The following MACROH2A2 variants were observed in gnomAD, a reference collection of about 807,000 sequenced individuals.
MACROH2A2 encodes core histone macro-H2A.2.
Under a neutral mutation model 37.6 loss-of-function variants are expected in MACROH2A2, and 6 were observed. The observed-to-expected ratio is 0.16, with a 90% CI of 0.09 to 0.32. The LOEUF (loss-of-function observed/expected upper bound fraction) is 0.32, where lower values mean the gene tolerates loss of function less well. Among genes scored for constraint, MACROH2A2 ranks in the 10% least tolerant of loss-of-function variants. The pLI, the probability that MACROH2A2 is intolerant of heterozygous loss-of-function variation, is 1.00. For synonymous variants in MACROH2A2, 192 were observed against 202.7 expected (o/e 0.95, Z 0.45); for missense variants, 290 against 485.9 (o/e 0.60, Z 3.79).
Position 70,093,808 on chromosome 10 carries a change from C to G in MACROH2A2, c.551C>G (p.Thr184Ser), listed in dbSNP as rs2072260194. ...TSEDGPGDGF[T>S]ILSSKSLVLG... ...GAAGATGGGCCAGGGGATGGATTCA[C>G]CATTCTGTCTTCTAAGAGCCTTGTT... is the stretch of plus-strand genomic sequence containing the variant. The change falls in exon 5 of 9, where the codon ACC (threonine) becomes AGC (serine). Residue 184 changes from threonine (T) to serine (S), a missense_variant. Coordinates refer to ENST00000373255, the MANE Select transcript of MACROH2A2 (RefSeq NM_018649.3). 1 of 1,608,182 alleles carries G rather than the reference C, an allele frequency of 6.2e-7. No individual in the cohort carries two copies. Among genetic ancestry groups the G allele is most frequent in the African/African-American group, 1.3e-5 (1 of 74,798 alleles).
intron 8 of MACROH2A2, among the ~76,000 whole-genome samples, chr10:70,110,729 TA>T (rs35950966): frequency 0.075 from 11,246 of 149,016 alleles, 525 homozygotes; most frequent in East Asian, 0.23. Flanking sequence ...ACAAAAAATT[TA>T]AAAAAAAAAA....
intron 7 of MACROH2A2, 51 bp from the exon 8 acceptor site, chr10:70,108,982 C>T (rs758141399): frequency 3.3e-5 from 51 of 1,552,434 alleles, no homozygotes; most frequent in Non-Finnish European, 4.1e-5. Context: ...TAGGCTATAA[C>T]CTAGGAAACC....
rs536736862 is a variant in MACROH2A2, at chr10:70,107,368, CCA to C, written c.779-1658_779-1657del. Reference sequence around the variant, plus strand: ...TTCCAGTCAGTCTTTCACCTCAACCCCACACACAGCTCTGGAATACGGCGGAC... The same window carrying C: ...TTCCAGTCAGTCTTTCACCTCAACCCCACACAGCTCTGGAATACGGCGGAC... On this transcript the variant is annotated intron_variant, in intron 7 of 8. Coordinates refer to ENST00000373255, the MANE Select transcript of MACROH2A2 (RefSeq NM_018649.3). The surrounding 1 kb of genome is among the most constrained non-coding windows in gnomAD (Gnocchi z 4.4). Among the ~76,000 whole-genome samples the C allele has an allele frequency of 2.0e-3, 305 of 152,340 alleles. 1 individual carries two copies. The highest frequency in any genetic ancestry group is 7.0e-3 in the African/African-American group (289 of 41,580).
At chr10:70,110,783 G>A (rs532589022) in intron 8 of MACROH2A2, among the ~76,000 whole-genome samples, 1 of 152,178 alleles carries the variant, frequency 6.6e-6, no homozygotes, top group South Asian at 2.1e-4. Context: ...TACTGAGGAG[G>A]CTGAGGCAGA....
At chr10:70,070,768 G>A (rs1271210878) in intron 1 of MACROH2A2, among the ~76,000 whole-genome samples, 4 of 152,182 alleles carry the variant, frequency 2.6e-5, no homozygotes, top group Admixed American at 6.5e-5. Context: ...GATTACAGGC[G>A]TAAGCCACCA....
At chr10:70,092,408 C>A (rs1026853103) in intron 4 of MACROH2A2, among the ~76,000 whole-genome samples, 1 of 152,076 alleles carries the variant, frequency 6.6e-6, no homozygotes, top group Non-Finnish European at 1.5e-5. Context: ...ACTCGAGCCT[C>A]GGTGACAGCG....
Position 70,107,457 on chromosome 10 carries a change from G to A in MACROH2A2, c.779-1576G>A, listed in dbSNP as rs1022357655. 1.5e-4 allele frequency among the ~76,000 whole-genome samples: 23 copies of A among 152,176 alleles called. No individual in the cohort carries two copies. The highest frequency in any genetic ancestry group is 3.1e-4 in the Non-Finnish European group (21 of 68,028). On this transcript the variant is annotated intron_variant, in intron 7 of 8. Coordinates refer to ENST00000373255, the MANE Select transcript of MACROH2A2 (RefSeq NM_018649.3). The surrounding 1 kb of genome is among the most constrained non-coding windows in gnomAD (Gnocchi z 4.4). ...CGGACCCTTGCTACGCCGATTCCTG[G>A]GTTCCTGGAGGGGCACAGGGCGCAG...
At chr10:70,078,133 G>C (rs1284092114) in intron 2 of MACROH2A2, among the ~76,000 whole-genome samples, 1 of 152,238 alleles carries the variant, frequency 6.6e-6, no homozygotes, top group Admixed American at 6.5e-5. Context: ...ATCTCTGTTA[G>C]TCTTTGGTTC....
intron 1 of MACROH2A2, among the ~76,000 whole-genome samples, chr10:70,060,920 G>A (rs1222042043): frequency 6.6e-6 from 1 of 151,290 alleles, no homozygotes; most frequent in Non-Finnish European, 1.5e-5. Context: ...GGATGTCAAG[G>A]CCGCAGTGAG....
chr10:70,090,060 C>T lies in MACROH2A2; in HGVS notation c.173C>T (p.Ala58Val). ...TGTTAATGCCTCCTTGTGATTTCAG[C>T]GGAAATTCTAGAATTGGCCGGCAAT... is the stretch of plus-strand genomic sequence containing the variant. ...YMAAVIEYLA[A>V]EILELAGNAA... The change falls in exon 3 of 9, where the codon GCG becomes GTG. Residue 58 changes from alanine (A) to valine (V), a missense_variant and splice_region_variant. By Grantham distance (64) the Ala-to-Val change is moderately conservative. Coordinates refer to ENST00000373255, the MANE Select transcript of MACROH2A2 (RefSeq NM_018649.3). The T allele has an allele frequency of 1.2e-6, 2 of 1,606,310 alleles. No homozygotes were observed. Among genetic ancestry groups the T allele is most frequent in the Non-Finnish European group, 8.5e-7 (1 of 1,172,910 alleles).
At chr10:70,072,112 CTT>C (rs1427639914) in intron 1 of MACROH2A2, among the ~76,000 whole-genome samples, 4 of 151,984 alleles carry the variant, frequency 2.6e-5, no homozygotes, top group Admixed American at 2.6e-4. Flanking sequence ...CTTTTTGACT[CTT>C]TTGTAATAAC....
intron 1 of MACROH2A2, among the ~76,000 whole-genome samples, chr10:70,060,898 T>G (rs760972113): frequency 2.6e-5 from 4 of 151,596 alleles, no homozygotes; most frequent in African/African-American, 7.3e-5. Context: ...TTGGGAGGAC[T>G]ATTTGAACTT....
chr10:70,076,773 A>G (rs2072142115), intron 2 of MACROH2A2, among the ~76,000 whole-genome samples: 1 of 152,088 alleles, frequency 6.6e-6, no homozygotes, highest in African/African-American at 2.4e-5. Flanking sequence ...GCCTCACTGC[A>G]TGAAATCCTC....
chr10:70,093,936 CT>C, intron 5 of MACROH2A2, 91 bp downstream of exon 5: 2 of 667,994 alleles, frequency 3.0e-6, no homozygotes, highest in East Asian at 2.7e-5. Context: ...CTTTCCTCCC[CT>C]GATAATGATT....
At chr10:70,072,285 G>A (rs2072115520) in intron 1 of MACROH2A2, among the ~76,000 whole-genome samples, 1 of 151,132 alleles carries the variant, frequency 6.6e-6, no homozygotes, top group Admixed American at 6.6e-5. Flanking sequence ...TTAAACTTCT[G>A]TTAAAAAAAA....
intron 1 of MACROH2A2, among the ~76,000 whole-genome samples, chr10:70,071,336 C>T (rs3858168): frequency 0.042 from 6,319 of 152,248 alleles, 159 homozygotes; most frequent in Non-Finnish European, 0.057. Flanking sequence ...GTCACTAATG[C>T]ACCTTTATGA....
chr10:70,053,592 C>G lies in MACROH2A2; in HGVS notation c.-60+592C>G, dbSNP rs985650438. Among the ~76,000 whole-genome samples, 54 of 151,526 alleles carry G rather than the reference C, an allele frequency of 3.6e-4. No individual in the cohort carries two copies. The highest frequency in any genetic ancestry group is 2.6e-3 in the Admixed American group (40 of 15,238). On this transcript the variant is annotated intron_variant, in intron 1 of 8. Transcript: ENST00000373255. The surrounding 1 kb of genome is among the most constrained non-coding windows in gnomAD (Gnocchi z 4.8). Reference sequence around the variant, plus strand: ...GGGGGCGGGCCGCGCCGGGGAAGGTCAGGTCGGGGACGCCGGGTGGCGGGG... The same window carrying G: ...GGGGGCGGGCCGCGCCGGGGAAGGTGAGGTCGGGGACGCCGGGTGGCGGGG...
At chr10:70,094,276 G>A (rs2072262424) in intron 5 of MACROH2A2, among the ~76,000 whole-genome samples, 1 of 152,138 alleles carries the variant, frequency 6.6e-6, no homozygotes, top group Non-Finnish European at 1.5e-5. Context: ...AAATATCCTT[G>A]GTATTAGAAA....
chr10:70,091,736 C>T (rs769768223), intron 3 of MACROH2A2, 21 bp from the exon 4 acceptor site: 26 of 1,565,992 alleles, frequency 1.7e-5, no homozygotes, highest in East Asian at 2.2e-5. Context: ...GCTACATGAG[C>T]GCATGCATTT....
Sources: allele counts gnomAD v4.1 joint callset (sites outside exome capture counted in the v4.1 genomes callset), GRCh38; gene constraint gnomAD v4.1.1; non-coding constraint Gnocchi (gnomAD v3.1); transcripts MANE v1.5; gene names NCBI Gene and HGNC (gene_info 2026-07-23, HGNC 2026-07-21).